IQSEC3: variants seen among roughly 807,000 people sequenced by gnomAD.
IQSEC3 encodes the protein IQ motif and Sec7 domain ArfGEF 3, also known as IQ motif and SEC7 domain-containing protein 3.
In IQSEC3, 50 loss-of-function variants were observed where a neutral mutation model predicts 105.4. The observed-to-expected ratio is 0.47, with a 90% CI of 0.38 to 0.60. The LOEUF (loss-of-function observed/expected upper bound fraction) is 0.60, where lower values mean the gene tolerates loss of function less well. IQSEC3 is among the 20% of genes least tolerant of loss of function. The pLI is 0.00. For synonymous variants in IQSEC3, 708 were observed against 746.0 expected, an observed-to-expected ratio of 0.95 and a Z score of 0.83; for missense variants, 1,415 against 1,630.0, an observed-to-expected ratio of 0.87 and a Z score of 2.27.
At chr12:146,102 G>T (rs1555090922) in intron 5 of IQSEC3, among the ~76,000 whole-genome samples, 1 of 152,218 alleles carries the variant, frequency 6.6e-6, no homozygotes, top group Admixed American at 6.5e-5. Context: ...GAGTATAACA[G>T]ATTTGTTCTT....
chr12:137,593 CCCA>C (rs1865816475), intron 3 of IQSEC3: 1 of 149,026 alleles, frequency 6.7e-6, no homozygotes, highest in South Asian at 2.1e-4. Context: ...ATGCATTTTA[CCCA>C]TAAGTACTTC....
chr12:153,183 G>A (rs1555093121), intron 5 of IQSEC3, among the ~76,000 whole-genome samples: 1 of 152,084 alleles, frequency 6.6e-6, no homozygotes, highest in African/African-American at 2.4e-5. Context: ...AGGCTTATAG[G>A]TGCTTCCAGG....
At position 125,657 on chromosome 12, in the gene IQSEC3, T is replaced by TG; in HGVS notation, c.653dup (p.Met219HisfsTer78). 1 of 1,525,398 alleles carries TG rather than the reference T, an allele frequency of 6.6e-7. No individual in the cohort carries two copies. Among genetic ancestry groups the TG allele is most frequent in the Non-Finnish European group, 8.7e-7 (1 of 1,148,338 alleles). 94.5% of individuals were successfully genotyped at this position (1,525,398 alleles called of 1,614,324 possible). Reference sequence around the variant, plus strand: ...GTGATGGCTCCTGCACCCAGGCCGGTGGGGGCATGGAGGACTCCGTGGTGG... The same window carrying TG: ...GTGATGGCTCCTGCACCCAGGCCGGTGGGGGGCATGGAGGACTCCGTGGTGG... On this transcript the variant is annotated frameshift_variant, in exon 3 of 14. Transcript: ENST00000538872. LOFTEE classifies it high-confidence loss of function.
At chr12:145,970 C>T (rs1866249683) in intron 5 of IQSEC3, among the ~76,000 whole-genome samples, 1 of 152,232 alleles carries the variant, frequency 6.6e-6, no homozygotes, top group Admixed American at 6.5e-5. Flanking sequence ...CGGAAGAAAG[C>T]TTCCTGGGTG....
chr12:156,039 G>A (rs1279739751), intron 5 of IQSEC3, among the ~76,000 whole-genome samples: 1 of 152,190 alleles, frequency 6.6e-6, no homozygotes, highest in Admixed American at 6.5e-5. Flanking sequence ...CCAAAGGAGG[G>A]TGAGGCAGGG....
intron 2 of IQSEC3, among the ~76,000 whole-genome samples, chr12:102,958 C>T (rs1555076617): frequency 1.3e-5 from 2 of 152,134 alleles, no homozygotes; most frequent in Non-Finnish European, 2.9e-5. Context: ...GTATGTCTGC[C>T]AGGGTAGTTA....
chr12:109,566 C>G (rs1864806883), intron 2 of IQSEC3, among the ~76,000 whole-genome samples: 1 of 152,108 alleles, frequency 6.6e-6, no homozygotes, highest in African/African-American at 2.4e-5. Flanking sequence ...ACGCAACCCA[C>G]TATTCCTCAG....
intron 2 of IQSEC3, among the ~76,000 whole-genome samples, chr12:120,962 A>C (rs1197157430): frequency 3.3e-5 from 5 of 152,188 alleles, no homozygotes. Flanking sequence ...ATATACCAGC[A>C]GTGACCTCAC....
At chr12:126,690 T>A (rs1865426583) in intron 3 of IQSEC3, among the ~76,000 whole-genome samples, 1 of 151,986 alleles carries the variant, frequency 6.6e-6, no homozygotes, top group South Asian at 2.1e-4. Context: ...ACTTTGGGAG[T>A]TGCCAGTTAA....
chr12:125,996 G>GA, intron 3 of IQSEC3, 84 bp downstream of exon 3: 1 of 1,340,652 alleles, frequency 7.5e-7, no homozygotes, highest in Non-Finnish European at 1.0e-6. Flanking sequence ...GGATATCCCC[G>GA]CTGGGTCCCC....
At chr12:103,521 A>G (rs1591655230) in intron 2 of IQSEC3, among the ~76,000 whole-genome samples, 1 of 5,770 alleles carries the variant, frequency 1.7e-4, no homozygotes, top group Non-Finnish European at 2.8e-4. Context: ...TCAGGAGGGG[A>G]GGTGGGACTC....
intron 2 of IQSEC3, among the ~76,000 whole-genome samples, chr12:113,517 A>G (rs1392977485): frequency 6.6e-6 from 1 of 151,930 alleles, no homozygotes; most frequent in Admixed American, 6.6e-5. Context: ...CCCAGGTGCC[A>G]CTGCCACACG....
At chr12:84,794 G>T (rs782087464) in intron 1 of IQSEC3, among the ~76,000 whole-genome samples, 10 of 152,174 alleles carry the variant, frequency 6.6e-5, no homozygotes, top group Non-Finnish European at 1.2e-4. Context: ...TGAAGCTCTG[G>T]AATTGGGGAT....
chr12:154,928 T>C (rs1404432620), intron 5 of IQSEC3, among the ~76,000 whole-genome samples: 2 of 149,642 alleles, frequency 1.3e-5, no homozygotes, highest in African/African-American at 2.5e-5. Context: ...CCCCGCCCCA[T>C]CTCTCTGGCC....
In IQSEC3 at chr12:112,861, C is replaced by T. The variant is rs536426441; in HGVS notation, c.624-12772C>T. Among the ~76,000 whole-genome samples, 5 of 152,148 alleles carry T rather than the reference C, an allele frequency of 3.3e-5. No individual in the cohort carries two copies. In the South Asian group the frequency reaches 1.0e-3, roughly 32 times the overall value. On this transcript the variant is annotated intron_variant, in intron 2 of 13. Transcript: ENST00000538872. ...AAGGGAAGCCCTCTGTAGGCCTGTGCACTGTTTTTTTTCCTACATTTCACT... is the reference window on the plus strand; with the variant it reads ...AAGGGAAGCCCTCTGTAGGCCTGTGTACTGTTTTTTTTCCTACATTTCACT...
At position 174,596 on chromosome 12, in the gene IQSEC3, T is replaced by C; in HGVS notation, c.3115-3T>C. ...CATGCTTCTCTGGCTGTTTCTAAAC[T>C]AGGTGTCAATTCACAACAGGCTTCA... On this transcript the variant is annotated splice_region_variant and splice_polypyrimidine_tract_variant and intron_variant, in intron 13 of 13. Transcript: ENST00000538872. 6.5e-7 allele frequency: 1 copy of C among 1,528,042 alleles called. No individual in the cohort carries two copies. The highest frequency in any genetic ancestry group is 8.7e-7 in the Non-Finnish European group (1 of 1,143,054). The allele number at this position is 1,528,042 out of a possible 1,614,324, so 94.7% of individuals were successfully genotyped here.
At position 125,716 on chromosome 12, in the gene IQSEC3, C is replaced by G; in HGVS notation, c.707C>G (p.Ala236Gly). 6.5e-7 allele frequency: 1 copy of G among 1,534,320 alleles called. No homozygotes were observed. The highest frequency in any genetic ancestry group is 8.7e-7 in the Non-Finnish European group (1 of 1,150,842). ...GCGGTGGCAGCCGGCAGACCCAGTG[C>G]CCATGCCCCGAAGGCTCAAGCCCAG... ...AAAVAAGRPSAHAPKAQAQEL... is the reference protein window; with the variant it reads ...AAAVAAGRPSGHAPKAQAQEL... The change falls in exon 3 of 14, where the codon GCC becomes GGC. Residue 236 changes from alanine to glycine, a missense_variant. Coordinates refer to ENST00000538872, the MANE Select transcript of IQSEC3 (RefSeq NM_001170738.2).
At chr12:142,355 G>A (rs868906330) in intron 5 of IQSEC3, 1 of 152,362 alleles carries the variant, frequency 6.6e-6, no homozygotes. Context: ...ATATTGAGAA[G>A]CCCCTGTCCT....
chr12:143,826 C>CGTGTGTGTGTGTGTGT (rs111698246), intron 5 of IQSEC3: 2 of 147,416 alleles, frequency 1.4e-5, no homozygotes, highest in East Asian at 2.0e-4. Context: ...GCTGGGCACC[C>CGTGTGTGTGTGTGTGT]GTGTGTGTGT....
Sources: gnomAD v4.1 joint callset for allele counts (sites outside exome capture counted in the v4.1 genomes callset) on GRCh38, gnomAD v4.1.1 for gene constraint, MANE v1.5 for transcripts, NCBI Gene and HGNC (gene_info 2026-07-23, HGNC 2026-07-21) for gene names.